The following RUBCNL variants were observed in gnomAD, a reference collection of about 807,000 sequenced individuals.
RUBCNL encodes protein associated with UVRAG as autophagy enhancer.
In RUBCNL, 62 loss-of-function variants were observed where a neutral mutation model predicts 69.5. That is an observed-to-expected ratio of 0.89 (90% CI 0.73 to 1.10). The LOEUF (loss-of-function observed/expected upper bound fraction) is 1.10, where lower values mean the gene tolerates loss of function less well. Ranked by LOEUF, RUBCNL falls within the 50% of genes least tolerant of loss-of-function variation. The probability of loss-of-function intolerance (pLI) is 0.00; values close to 1 mark genes in which losing one functional copy is unlikely to be tolerated. For missense variants in RUBCNL, 768 were observed against 798.1 expected, an observed-to-expected ratio of 0.96 and a Z score of 0.45; for synonymous variants, 291 against 303.6, an observed-to-expected ratio of 0.96 and a Z score of 0.43.
rs10400665 is a variant in RUBCNL at position 46,334,951 on chromosome 13, G to A, written c.*8434C>T. 0.038 allele frequency among the ~76,000 whole-genome samples: 5,739 copies of A among 152,158 alleles called. 417 individuals carry two copies. Among genetic ancestry groups the A allele is most frequent in the East Asian group, 0.33 (1,729 of 5,164 alleles). On this transcript the variant is annotated 3_prime_UTR_variant, in exon 15 of 15. Transcript: ENST00000429979. The stretch of plus-strand genomic sequence containing the variant: ...AAAGGAAAGTGGGGGAAGATTTGGG[G>A]GTATACTAAGGGCAAGAGGAATTTT...
chr13:46,366,869 GAAGT>G (rs2048768350), intron 5 of RUBCNL, among the ~76,000 whole-genome samples: 1 of 152,144 alleles, frequency 6.6e-6, no homozygotes, highest in Non-Finnish European at 1.5e-5. Flanking sequence ...ACCCAGAAAT[GAAGT>G]ATTAAGTCAC....
intron 11 of RUBCNL, among the ~76,000 whole-genome samples, 163 bp from the exon 12 acceptor site, chr13:46,349,510 T>C (rs142213694): frequency 1.1e-3 from 168 of 152,324 alleles, no homozygotes; most frequent in African/African-American, 3.9e-3. Context: ...CAACTGAGTC[T>C]GCTGATCCAC....
chr13:46,343,266 G>T lies in RUBCNL; in HGVS notation c.*119C>A. 6.9e-7 allele frequency: 1 copy of T among 1,458,178 alleles called. No individual in the cohort carries two copies. The highest frequency in any genetic ancestry group is 9.4e-7 in the Non-Finnish European group (1 of 1,066,862). 90.3% of individuals were successfully genotyped at this position (1,458,178 alleles called of 1,614,324 possible). A position where few individuals can be genotyped will look rare whatever the true frequency, so the allele number is the denominator to read the frequency against. The stretch of plus-strand genomic sequence containing the variant: ...AAGTATATGCAATAAAGAGAATATA[G>T]ACCATCTTTTTCCTTAATATACAAT... On this transcript the variant is annotated 3_prime_UTR_variant, in exon 15 of 15. Transcript: ENST00000429979.
At chr13:46,343,650 C>T (rs2048181674) in intron 14 of RUBCNL, among the ~76,000 whole-genome samples, 153 bp from the exon 15 acceptor site, 2 of 152,172 alleles carry the variant, frequency 1.3e-5, no homozygotes, top group African/African-American at 4.8e-5. Flanking sequence ...ACGCACGTTT[C>T]AGCAGGTCAC....
chr13:46,336,471 T>A lies in RUBCNL; in HGVS notation c.*6914A>T, dbSNP rs2048105763. Among the ~76,000 whole-genome samples the A allele has an allele frequency of 6.6e-6, 1 of 152,154 alleles. No homozygotes were observed. Reference sequence around the variant, plus strand: ...TATATGGTAAAATTTACAAAGAAAATTTTTGAAAATTATTCTAATCCCACT... The same window carrying A: ...TATATGGTAAAATTTACAAAGAAAAATTTTGAAAATTATTCTAATCCCACT... On this transcript the variant is annotated 3_prime_UTR_variant, in exon 15 of 15. Transcript: ENST00000429979.
chr13:46,367,535 G>A (rs2048784667), intron 5 of RUBCNL, among the ~76,000 whole-genome samples: 1 of 152,162 alleles, frequency 6.6e-6, no homozygotes, highest in Admixed American at 6.5e-5. Context: ...ACTGAACGGA[G>A]CATGATAACC....
At chr13:46,364,466 C>T (rs1475182980) in intron 5 of RUBCNL, among the ~76,000 whole-genome samples, 1 of 152,078 alleles carries the variant, frequency 6.6e-6, no homozygotes, top group Admixed American at 6.6e-5. Context: ...CCCATTCTAG[C>T]TGGGTGACGA....
At chr13:46,377,636 C>T (rs138362898) in intron 2 of RUBCNL, among the ~76,000 whole-genome samples, 2 of 152,336 alleles carry the variant, frequency 1.3e-5, no homozygotes, top group Non-Finnish European at 2.9e-5. Flanking sequence ...ACTTCCCATA[C>T]ATGGACTGAC....
rs1361952123 is a variant in RUBCNL, at chr13:46,344,085, AC to A, written c.1877-589del. Among the ~76,000 whole-genome samples the A allele has an allele frequency of 3.3e-5, 5 of 152,306 alleles. No homozygotes were observed. In the East Asian group the frequency reaches 9.6e-4, roughly 29 times the overall value. ...ACCCCTACAGGTATTAAGTTGAAGA[AC>A]ATGAAACTTTTTGTAGGCAAGTCTC... On this transcript the variant is annotated intron_variant, in intron 14 of 14. Transcript: ENST00000429979.
At position 46,368,211 on chromosome 13, in the gene RUBCNL, T is replaced by C; in HGVS notation, c.657A>G (p.Ser219=). 1 of 1,613,894 alleles carries C rather than the reference T, an allele frequency of 6.2e-7. No individual in the cohort carries two copies. The highest frequency in any genetic ancestry group is 8.5e-7 in the Non-Finnish European group (1 of 1,179,834). The change falls in exon 5 of 15, where the codon TCA becomes TCG. Residue 219 remains serine, a synonymous_variant. Transcript: ENST00000429979. ...AHFYVADMII[S]AMEKMKCNIL... ...TGTTACACTTCATTTTCTCCATTGC[T>C]GATATAATCATATCTGCAACATAAA...
Position 46,350,334 on chromosome 13 carries a change from G to A in RUBCNL, c.1348C>T (p.Arg450Trp), listed in dbSNP as rs774582818. The A allele has an allele frequency of 1.9e-5, 30 of 1,543,612 alleles. No homozygotes were observed. In the East Asian group the frequency reaches 3.4e-4, roughly 17 times the overall value. Residue 450 changes from arginine (R) to tryptophan (W), a missense_variant, in exon 11 of 15, where the codon CGG (arginine) becomes TGG (tryptophan). By Grantham distance (101) the Arg-to-Trp change is moderately radical (BLOSUM62 -3). Transcript: ENST00000429979. ...TACTTCCCTAGGTATTCGCAGTACC[G>A]GAGCCGCTTCACAAACTCTGCCAAG... ...PVEPKFVKRL[R>W]YCEYLGKYFC...
At chr13:46,349,580 C>A (rs1025056629) in intron 11 of RUBCNL, among the ~76,000 whole-genome samples, 1 of 152,074 alleles carries the variant, frequency 6.6e-6, no homozygotes, top group Admixed American at 6.6e-5. Flanking sequence ...AACTTTGGGG[C>A]CTTCTTCAAG....
intron 8 of RUBCNL, among the ~76,000 whole-genome samples, chr13:46,360,168 C>T (rs2048579616): frequency 6.6e-6 from 1 of 151,958 alleles, no homozygotes; most frequent in African/African-American, 2.4e-5. Flanking sequence ...GTGGGTGGAT[C>T]ACTTGAGGTC....
Position 46,339,033 on chromosome 13 carries a change from C to T in RUBCNL, c.*4352G>A, listed in dbSNP as rs369684420. On this transcript the variant is annotated 3_prime_UTR_variant, in exon 15 of 15. Transcript: ENST00000429979. ...CTGCACTCCAGCCTGGGCGACAGAG[C>T]GAGACCCTGTCTCAAAAAAAAAAAA... Among the ~76,000 whole-genome samples the T allele has an allele frequency of 1.4e-5, 2 of 139,860 alleles. No homozygotes were observed. Among genetic ancestry groups the T allele is most frequent in the Non-Finnish European group, 3.1e-5 (2 of 65,096 alleles). The allele number at this position is 139,860 out of a possible 152,430, so 91.8% of individuals were successfully genotyped here. A position where few individuals can be genotyped will look rare whatever the true frequency, so the allele number is the denominator to read the frequency against.
At chr13:46,369,692 A>AT (rs1212802606) in intron 3 of RUBCNL, among the ~76,000 whole-genome samples, 2 of 152,080 alleles carry the variant, frequency 1.3e-5, no homozygotes, top group South Asian at 2.1e-4. Context: ...CAAAACAAAC[A>AT]TTTTTTCTGT....
chr13:46,377,369 T>A (rs2138828759), intron 2 of RUBCNL, among the ~76,000 whole-genome samples: 1 of 152,316 alleles, frequency 6.6e-6, no homozygotes, highest in African/African-American at 2.4e-5. Flanking sequence ...ATTCAAGCAA[T>A]TCTCATGCCT....
intron 1 of RUBCNL, among the ~76,000 whole-genome samples, chr13:46,383,025 T>G (rs890412017): frequency 6.6e-6 from 1 of 152,252 alleles, no homozygotes; most frequent in African/African-American, 2.4e-5. Flanking sequence ...AAATAATTGG[T>G]AGAATTTCTT....
chr13:46,343,433 G>T lies in RUBCNL; in HGVS notation c.1941C>A (p.Ile647=). ...TTTCCAGAAGTTTTCTCCTCGCTGTGATCCTCGCACACCGGGGGCACTCGG... is the reference window on the plus strand; with the variant it reads ...TTTCCAGAAGTTTTCTCCTCGCTGTTATCCTCGCACACCGGGGGCACTCGG... ...QSSECPRCAR[I]TARRKLLESV... The change falls in exon 15 of 15, where the codon ATC becomes ATA. Residue 647 remains isoleucine, a synonymous_variant. Transcript: ENST00000429979. 6.2e-7 allele frequency: 1 copy of T among 1,613,938 alleles called. No individual in the cohort carries two copies. Among genetic ancestry groups the T allele is most frequent in the South Asian group, 1.1e-5 (1 of 91,068 alleles).
At chr13:46,353,192 T>C (rs2048408677) in intron 10 of RUBCNL, among the ~76,000 whole-genome samples, 1 of 152,236 alleles carries the variant, frequency 6.6e-6, no homozygotes, top group Admixed American at 6.5e-5. Context: ...GGTCACACTC[T>C]GAGTTGATGT....
Sources: gnomAD v4.1 joint callset for allele counts (sites outside exome capture counted in the v4.1 genomes callset) on GRCh38, gnomAD v4.1.1 for gene constraint, MANE v1.5 for transcripts, NCBI Gene and HGNC (gene_info 2026-07-23, HGNC 2026-07-21) for gene names.